FOXP2: variants seen among roughly 807,000 people sequenced by gnomAD.
FOXP2 encodes the protein forkhead box protein P2.
In FOXP2, 12 loss-of-function variants were observed where a neutral mutation model predicts 115.8. That is an observed-to-expected ratio of 0.10 (90% confidence interval 0.07 to 0.17). The LOEUF (loss-of-function observed/expected upper bound fraction) is 0.17. Ranked by LOEUF, FOXP2 falls within the 10% of genes least tolerant of loss-of-function variation. FOXP2 has a pLI of 1.00. For synonymous variants in FOXP2, 328 were observed against 297.7 expected, an observed-to-expected ratio of 1.10 and a Z score of -1.05; for missense variants, 629 against 843.5, an observed-to-expected ratio of 0.75 and a Z score of 3.15.
rs1464677640 is a variant in FOXP2, at chr7:114,690,682, T to A, written c.*756T>A. 4.4e-6 allele frequency: 2 copies of A among 454,484 alleles called. No individual in the cohort carries two copies. The highest frequency in any genetic ancestry group is 3.1e-5 in the South Asian group (2 of 64,476). The allele number at this position is 454,484 out of a possible 1,614,324, so 28.2% of individuals were successfully genotyped here. A position where few individuals can be genotyped will look rare whatever the true frequency, so the allele number is the denominator to read the frequency against. On this transcript the variant is annotated 3_prime_UTR_variant, in exon 17 of 17. Coordinates refer to ENST00000350908, the MANE Select transcript of FOXP2 (RefSeq NM_014491.4). ...CATATCTGCATAGATCTTACAACTG[T>A]ACTCTTTACCTCCTTGTGATAAAGC... is the stretch of plus-strand genomic sequence containing the variant.
intron 1 of FOXP2, among the ~76,000 whole-genome samples, chr7:114,155,470 C>A (rs112697425): frequency 6.6e-6 from 1 of 152,074 alleles, no homozygotes; most frequent in Non-Finnish European, 1.5e-5. Context: ...AAATATATTT[C>A]TTTGACATAT....
intron 1 of FOXP2, among the ~76,000 whole-genome samples, chr7:114,191,026 T>A (rs1465425168): frequency 6.6e-6 from 1 of 152,122 alleles, no homozygotes; most frequent in African/African-American, 2.4e-5. Flanking sequence ...ATCAGATAGT[T>A]TCTTGGTTTG....
chr7:114,687,633 C>T (rs1017829041), intron 16 of FOXP2, among the ~76,000 whole-genome samples: 2 of 152,092 alleles, frequency 1.3e-5, no homozygotes, highest in Non-Finnish European at 2.9e-5. Flanking sequence ...ATGACTGCAG[C>T]GACCTTGTGT....
At chr7:114,295,096 T>G (rs922996470) in intron 2 of FOXP2, among the ~76,000 whole-genome samples, 5 of 152,178 alleles carry the variant, frequency 3.3e-5, no homozygotes, top group Admixed American at 1.3e-4. Context: ...GGCTTGGAAC[T>G]ATCCGCTAGT....
intron 1 of FOXP2, among the ~76,000 whole-genome samples, chr7:114,284,335 C>T (rs1328397560): frequency 6.6e-6 from 1 of 151,592 alleles, no homozygotes; most frequent in Non-Finnish European, 1.5e-5. Flanking sequence ...TCCATAAGAG[C>T]AGAGTTGTGA....
rs1797933355 is a variant in FOXP2, at chr7:114,508,616, A to G, written c.169-26001A>G. On this transcript the variant is annotated intron_variant, in intron 2 of 16. Coordinates refer to ENST00000350908, the MANE Select transcript of FOXP2 (RefSeq NM_014491.4). Reference sequence around the variant, plus strand: ...CTAAAGGGTGGAGCTTTAAGACCCCATCCTCACTTTTGACCTATTAAGTTT... The same window carrying G: ...CTAAAGGGTGGAGCTTTAAGACCCCGTCCTCACTTTTGACCTATTAAGTTT... 2.0e-5 allele frequency among the ~76,000 whole-genome samples: 3 copies of G among 151,932 alleles called. No homozygotes were observed. The South Asian group carries it at 6.2e-4, about 31-fold the overall frequency.
chr7:114,501,845 A>T (rs1371561109), intron 2 of FOXP2, among the ~76,000 whole-genome samples: 1 of 152,070 alleles, frequency 6.6e-6, no homozygotes. Flanking sequence ...AAATTTGAGA[A>T]AATACTTTAA....
rs561916849 is a variant in FOXP2, at chr7:114,129,580, A to G, written c.-246-33364A>G. Among the ~76,000 whole-genome samples, 55 of 152,350 alleles carry G rather than the reference A, an allele frequency of 3.6e-4. 2 individuals are homozygous for G. The South Asian group carries it at 0.01, about 28-fold the overall frequency. ...ACTTAAATGTGTGTTTTTGGAGTTC[A>G]AGTAACTATCCTTTAATTTGAAGAT... On this transcript the variant is annotated intron_variant, in intron 1 of 19. Coordinates refer to the FOXP2 transcript ENST00000635638.
chr7:114,086,401 C>A, upstream of FOXP2: 1 of 352,208 alleles, frequency 2.8e-6, no homozygotes, highest in Non-Finnish European at 5.5e-6. Context: ...CCGCGCCACC[C>A]GCAGCCCGCC....
At chr7:114,166,739 T>C (rs1792994577) in intron 1 of FOXP2, among the ~76,000 whole-genome samples, 1 of 151,976 alleles carries the variant, frequency 6.6e-6, no homozygotes, top group African/African-American at 2.4e-5. Context: ...AGAAAACATG[T>C]AACTCAATTA....
intron 3 of FOXP2, among the ~76,000 whole-genome samples, chr7:114,589,778 TC>T (rs1802351476): frequency 1.3e-5 from 2 of 152,168 alleles, no homozygotes; most frequent in Non-Finnish European, 2.9e-5. Context: ...CCCTTTATGT[TC>T]CCTGGGAAGT....
chr7:114,588,132 A>AC (rs1443365016), intron 3 of FOXP2, among the ~76,000 whole-genome samples: 15 of 151,476 alleles, frequency 9.9e-5, no homozygotes, highest in Admixed American at 9.9e-4. Flanking sequence ...ACATGGTGAG[A>AC]CCCCATCTCT....
rs971496598 is a variant in FOXP2 at position 114,693,205 on chromosome 7, G to T, written c.*3279G>T. The T allele has an allele frequency of 2.2e-6, 1 of 452,046 alleles. No homozygotes were observed. The highest frequency in any genetic ancestry group is 4.4e-6 in the Non-Finnish European group (1 of 225,666). The allele number at this position is 452,046 out of a possible 1,614,324, so 28.0% of individuals were successfully genotyped here. A position where few individuals can be genotyped will look rare whatever the true frequency, so the allele number is the denominator to read the frequency against. ...TATTTGGTAGAATTACCACTAACTG[G>T]GTTTTCTTTAGATAACTCAGATATG... is the stretch of plus-strand genomic sequence containing the variant. On this transcript the variant is annotated 3_prime_UTR_variant, in exon 17 of 17. Transcript: ENST00000350908.
chr7:114,674,550 A>C (rs1437188516), intron 16 of FOXP2, among the ~76,000 whole-genome samples: 1 of 152,222 alleles, frequency 6.6e-6, no homozygotes, highest in African/African-American at 2.4e-5. Flanking sequence ...TTCATTTAAC[A>C]CTAGAATTTT....
chr7:114,210,414 T>G (rs1470347496), intron 1 of FOXP2, among the ~76,000 whole-genome samples: 1 of 152,166 alleles, frequency 6.6e-6, no homozygotes, highest in Non-Finnish European at 1.5e-5. Flanking sequence ...TGCTGCAGTT[T>G]GCTGGGGGTT....
rs370340154 is a variant in FOXP2, at chr7:114,180,856, T to C, written c.-102+17768T>C. 1.5e-4 allele frequency among the ~76,000 whole-genome samples: 23 copies of C among 152,092 alleles called. No individual in the cohort carries two copies. In the East Asian group the frequency reaches 4.4e-3, roughly 29 times the overall value. On this transcript the variant is annotated intron_variant, in intron 1 of 17. Transcript: ENST00000634411. ...ATCACTGCAATGATCTCTTAATTGG[T>C]TTACTCAATTCTTTATACCCTTTAT...
At chr7:114,390,522 G>GTATGTATTTATTTATTTATTTATT (rs1554382697) in intron 2 of FOXP2, among the ~76,000 whole-genome samples, 212 of 148,362 alleles carry the variant, frequency 1.4e-3, no homozygotes, top group African/African-American at 4.9e-3. Flanking sequence ...TTTTATTTAT[G>GTATGTATTTATTTATTTATTTATT]TATTTATTTA....
At chr7:114,226,650 G>A (rs1373011595) in intron 1 of FOXP2, among the ~76,000 whole-genome samples, 2 of 152,036 alleles carry the variant, frequency 1.3e-5, no homozygotes, top group Non-Finnish European at 2.9e-5. Flanking sequence ...ATTCATGGTT[G>A]CCATTTAAGC....
chr7:114,192,821 C>A (rs191505007), intron 1 of FOXP2, among the ~76,000 whole-genome samples: 73 of 152,284 alleles, frequency 4.8e-4, no homozygotes, highest in African/African-American at 1.7e-3. Flanking sequence ...GTAATCACAT[C>A]AGCACAGTTT....
Sources: gnomAD v4.1 joint callset for allele counts (sites outside exome capture counted in the v4.1 genomes callset) on GRCh38, gnomAD v4.1.1 for gene constraint, MANE v1.5 for transcripts, NCBI Gene and HGNC (gene_info 2026-07-23, HGNC 2026-07-21) for gene names.